REDIC1: variants seen among roughly 807,000 people sequenced by gnomAD.
REDIC1 encodes the protein HEI10 Interacting Protein 1.
the REDIC1 span, among the ~76,000 whole-genome samples, chr12:39,777,438 T>A: frequency 6.6e-6 from 1 of 152,030 alleles, no homozygotes; most frequent in Non-Finnish European, 1.5e-5. Context: ...AAAAGCATGG[T>A]CCCTTTAAAT....
chr12:39,638,956 C>G, the REDIC1 span, among the ~76,000 whole-genome samples: 1 of 151,978 alleles, frequency 6.6e-6, no homozygotes. Context: ...ACTTTGATTT[C>G]TTAATTTTAC....
chr12:39,882,677 C>T, the REDIC1 span, among the ~76,000 whole-genome samples: 524 of 152,240 alleles, frequency 3.4e-3, 1 homozygote, highest in African/African-American at 0.012. Flanking sequence ...GCTCCCCTGC[C>T]TCATCACCAC....
the REDIC1 span, among the ~76,000 whole-genome samples, chr12:39,813,648 A>G: frequency 2.2e-4 from 34 of 152,302 alleles, no homozygotes; most frequent in South Asian, 2.5e-3. Context: ...AGTTCATTTG[A>G]ATCAAGATTC....
chr12:39,637,106 T>G, the REDIC1 span, among the ~76,000 whole-genome samples: 24 of 151,964 alleles, frequency 1.6e-4, no homozygotes, highest in Non-Finnish European at 2.9e-4. Flanking sequence ...CCCTCCCTTC[T>G]CTCCTTTAAC....
the REDIC1 span, among the ~76,000 whole-genome samples, chr12:39,735,564 A>G: frequency 2.0e-5 from 3 of 152,224 alleles, no homozygotes; most frequent in African/African-American, 2.4e-5. Flanking sequence ...TCAAAAATAC[A>G]ACTTTCTCAT....
chr12:39,855,665 T>C, the REDIC1 span, among the ~76,000 whole-genome samples: 1 of 152,224 alleles, frequency 6.6e-6, no homozygotes, highest in South Asian at 2.1e-4. Flanking sequence ...TAACTACAAA[T>C]GTGCATAAAT....
chr12:39,708,685 C>T, the REDIC1 span, among the ~76,000 whole-genome samples: 1 of 151,776 alleles, frequency 6.6e-6, no homozygotes, highest in Non-Finnish European at 1.5e-5. Context: ...TAATAACTTT[C>T]CATATGTAGC....
the REDIC1 span, among the ~76,000 whole-genome samples, chr12:39,845,311 G>GT: frequency 6.6e-5 from 10 of 151,950 alleles, no homozygotes; most frequent in African/African-American, 2.2e-4. Context: ...TAATGATTCT[G>GT]TATCTGTTAC....
the REDIC1 span, among the ~76,000 whole-genome samples, chr12:39,777,663 G>A: frequency 3.3e-5 from 5 of 152,224 alleles, no homozygotes; most frequent in African/African-American, 9.6e-5. Flanking sequence ...GCTGGATGTC[G>A]AGAGAAGCAC....
At chr12:39,838,010 T>C in the REDIC1 span, among the ~76,000 whole-genome samples, 1 of 151,278 alleles carries the variant, frequency 6.6e-6, no homozygotes, top group African/African-American at 2.4e-5. Context: ...CAAATGACTA[T>C]AAATCATGCT....
the REDIC1 span, among the ~76,000 whole-genome samples, chr12:39,893,086 C>G: frequency 6.6e-6 from 1 of 152,038 alleles, no homozygotes; most frequent in Admixed American, 6.6e-5. Context: ...TTGCATATTT[C>G]CTATTGAGAA....
chr12:39,706,503 T>C, the REDIC1 span, among the ~76,000 whole-genome samples: 1 of 151,996 alleles, frequency 6.6e-6, no homozygotes, highest in Non-Finnish European at 1.5e-5. Flanking sequence ...GCCTAAGTTA[T>C]CCTAAGCAAA....
At chr12:39,696,609 A>G in the REDIC1 span, among the ~76,000 whole-genome samples, 4 of 150,404 alleles carry the variant, frequency 2.7e-5, no homozygotes, top group Non-Finnish European at 5.9e-5. Context: ...CCCTGAAGAA[A>G]TGGACATATG....
chr12:39,896,334 A>G, the REDIC1 span, among the ~76,000 whole-genome samples: 4 of 141,158 alleles, frequency 2.8e-5, no homozygotes, highest in South Asian at 2.3e-4. Context: ...ATGTGTATAT[A>G]TGTATACATA....
At chr12:39,754,188 C>A in the REDIC1 span, 3 of 152,004 alleles carry the variant, frequency 2.0e-5, no homozygotes, top group East Asian at 3.9e-4. Context: ...TGATCTTGGG[C>A]AAGTGACAAA....
chr12:39,838,454 C>T, the REDIC1 span, among the ~76,000 whole-genome samples: 9 of 143,890 alleles, frequency 6.3e-5, no homozygotes, highest in African/African-American at 2.3e-4. Flanking sequence ...AACTAACCTG[C>T]ACAATGTGCA....
chr12:39,709,175 C>T, the REDIC1 span, among the ~76,000 whole-genome samples: 1 of 150,654 alleles, frequency 6.6e-6, no homozygotes, highest in Non-Finnish European at 1.5e-5. Flanking sequence ...GAATATACAT[C>T]CTGTGTTTCT....
chr12:39,649,334 G>A, the REDIC1 span, among the ~76,000 whole-genome samples: 1 of 151,868 alleles, frequency 6.6e-6, no homozygotes, highest in Non-Finnish European at 1.5e-5. Context: ...AAGAAAATGA[G>A]TTGAAAAACA....
chr12:39,898,038 T>C, the REDIC1 span, among the ~76,000 whole-genome samples: 2 of 152,120 alleles, frequency 1.3e-5, no homozygotes, highest in Non-Finnish European at 2.9e-5. Flanking sequence ...TTTTAATGAC[T>C]GAATAGTACA....
Sources: allele counts gnomAD v4.1 joint callset (sites outside exome capture counted in the v4.1 genomes callset), GRCh38; gene constraint gnomAD v4.1.1; transcripts MANE v1.5; gene names NCBI Gene and HGNC (gene_info 2026-07-23, HGNC 2026-07-21).